Variants in ARHGAP26 observed in about 807,000 individuals in gnomAD.
ARHGAP26 encodes the protein rho GTPase-activating protein 26.
A neutral mutation model predicts 104.8 loss-of-function variants in ARHGAP26; 38 were observed. The ratio of observed to expected loss-of-function variants is 0.36; its 90% CI spans 0.28 to 0.48. The LOEUF (loss-of-function observed/expected upper bound fraction) is 0.48, where lower values mean the gene tolerates loss of function less well. ARHGAP26 is among the 20% of genes least tolerant of loss of function. The pLI, the probability that ARHGAP26 is intolerant of heterozygous loss-of-function variation, is 0.99. For missense variants in ARHGAP26, 704 were observed against 947.9 expected (o/e 0.74, Z 3.38); for synonymous variants, 341 against 340.0 (o/e 1.00, Z -0.03).
At chr5:142,914,000 T>C (rs917733501) in intron 10 of ARHGAP26, among the ~76,000 whole-genome samples, 3 of 152,262 alleles carry the variant, frequency 2.0e-5, no homozygotes, top group Non-Finnish European at 4.4e-5. Flanking sequence ...AGCTGCCTGT[T>C]CAAGATCAGG....
intron 14 of ARHGAP26, among the ~76,000 whole-genome samples, chr5:143,047,537 A>G (rs1221013367): frequency 6.6e-6 from 1 of 152,214 alleles, no homozygotes; most frequent in Non-Finnish European, 1.5e-5. Flanking sequence ...CGTGTTTTCA[A>G]GGCTCTTAAA....
chr5:143,185,390 A>G (rs1804983258), intron 20 of ARHGAP26, among the ~76,000 whole-genome samples: 1 of 152,258 alleles, frequency 6.6e-6, no homozygotes. Context: ...GCTAGAAACA[A>G]CAAAGTTTCT....
At chr5:143,077,176 C>T (rs942833801) in intron 17 of ARHGAP26, among the ~76,000 whole-genome samples, 38 of 152,276 alleles carry the variant, frequency 2.5e-4, no homozygotes, top group Admixed American at 1.1e-3. Flanking sequence ...TCTGTGAATG[C>T]CTCAGGTATG....
chr5:142,959,068 A>G (rs888452772), intron 11 of ARHGAP26, among the ~76,000 whole-genome samples: 3 of 152,212 alleles, frequency 2.0e-5, no homozygotes, highest in African/African-American at 7.2e-5. Flanking sequence ...TCTCATTTAT[A>G]GAAAAAAGGC....
intron 5 of ARHGAP26, among the ~76,000 whole-genome samples, chr5:142,887,161 C>T (rs376276848): frequency 2.6e-5 from 4 of 152,174 alleles, no homozygotes; most frequent in East Asian, 1.9e-4. Context: ...CCATTCTCTC[C>T]GTGGTCAAAT....
At chr5:142,995,478 G>T (rs549543091) in intron 11 of ARHGAP26, among the ~76,000 whole-genome samples, 1 of 152,356 alleles carries the variant, frequency 6.6e-6, no homozygotes, top group Admixed American at 6.5e-5. Flanking sequence ...TCTCATGCCA[G>T]TTAGAATGGC....
intron 6 of ARHGAP26, among the ~76,000 whole-genome samples, chr5:142,898,854 T>G (rs1759872051): frequency 6.6e-6 from 1 of 152,202 alleles, no homozygotes; most frequent in Non-Finnish European, 1.5e-5. Context: ...GTAGCTGTAT[T>G]AGTTTGCTAG....
intron 1 of ARHGAP26, chr5:142,772,653 A>G: frequency 2.1e-6 from 1 of 468,506 alleles, no homozygotes; most frequent in Non-Finnish European, 4.3e-6. Flanking sequence ...GACTGGGGGA[A>G]GCATTACCTC....
chr5:143,046,935 C>T (rs1460371401), intron 14 of ARHGAP26, among the ~76,000 whole-genome samples: 1 of 152,106 alleles, frequency 6.6e-6, no homozygotes, highest in Non-Finnish European at 1.5e-5. Context: ...ATATTATTAC[C>T]TGTTAAATTT....
chr5:143,196,986 G>A (rs1806957233), intron 20 of ARHGAP26, among the ~76,000 whole-genome samples: 1 of 152,150 alleles, frequency 6.6e-6, no homozygotes, highest in Non-Finnish European at 1.5e-5. Context: ...ATCCCTAAAT[G>A]CAACATTTTA....
chr5:142,875,077 C>G, intron 2 of ARHGAP26, 33 bp from the exon 3 acceptor site: 101 of 1,548,740 alleles, frequency 6.5e-5, no homozygotes, highest in Middle Eastern at 1.8e-4. Flanking sequence ...CCATGACACT[C>G]CTTCCACCTC....
At chr5:143,219,591 G>C (rs879459976) in intron 22 of ARHGAP26, among the ~76,000 whole-genome samples, 8 of 152,226 alleles carry the variant, frequency 5.3e-5, no homozygotes, top group Non-Finnish European at 1.0e-4. Flanking sequence ...CAAAGGAAGT[G>C]GGGCTTCAGC....
intron 11 of ARHGAP26, among the ~76,000 whole-genome samples, chr5:142,950,544 A>T (rs1243790638): frequency 6.6e-6 from 1 of 151,948 alleles, no homozygotes; most frequent in African/African-American, 2.4e-5. Context: ...CCTTAAGGTG[A>T]TCCTTTTTTT....
chr5:142,970,185 C>T (rs537178279), intron 11 of ARHGAP26, among the ~76,000 whole-genome samples: 1 of 152,228 alleles, frequency 6.6e-6, no homozygotes, highest in East Asian at 1.9e-4. Context: ...ATTCAGCACT[C>T]GTGAACCAGG....
chr5:142,984,007 A>G (rs1774322589), intron 11 of ARHGAP26, among the ~76,000 whole-genome samples: 1 of 152,208 alleles, frequency 6.6e-6, no homozygotes, highest in Non-Finnish European at 1.5e-5. Flanking sequence ...GCCACATGGG[A>G]CAAATAGGGT....
At chr5:142,829,236 G>A (rs1767912842) in intron 1 of ARHGAP26, among the ~76,000 whole-genome samples, 1 of 152,150 alleles carries the variant, frequency 6.6e-6, no homozygotes, top group South Asian at 2.1e-4. Flanking sequence ...ACCCAACCAG[G>A]TTGACCAAAT....
chr5:143,093,147 C>G (rs1272780854), intron 17 of ARHGAP26, among the ~76,000 whole-genome samples: 1 of 142,594 alleles, frequency 7.0e-6, no homozygotes. Flanking sequence ...TACCTTTTTG[C>G]TTTTTTTTTT....
At chr5:143,078,585 G>A (rs1420619237) in intron 17 of ARHGAP26, among the ~76,000 whole-genome samples, 2 of 152,158 alleles carry the variant, frequency 1.3e-5, no homozygotes, top group African/African-American at 2.4e-5. Flanking sequence ...ATAGTATTTT[G>A]TTTCAGAGAA....
At chr5:143,081,442 A>G (rs776948897) in intron 17 of ARHGAP26, among the ~76,000 whole-genome samples, 5 of 152,216 alleles carry the variant, frequency 3.3e-5, no homozygotes, top group African/African-American at 9.7e-5. Flanking sequence ...CTTTAAGACA[A>G]TGACCTATGT....
Sources: gnomAD v4.1 joint callset for allele counts (sites outside exome capture counted in the v4.1 genomes callset) on GRCh38, gnomAD v4.1.1 for gene constraint, MANE v1.5 for transcripts, NCBI Gene and HGNC (gene_info 2026-07-23, HGNC 2026-07-21) for gene names.